PDS5A: variants seen among roughly 807,000 people sequenced by gnomAD.
The protein encoded by PDS5A is sister chromatid cohesion protein PDS5 homolog A.
In PDS5A, 42 loss-of-function variants were observed where a neutral mutation model predicts 167.1. The observed-to-expected ratio is 0.25, with a 90% CI of 0.20 to 0.33. The LOEUF (loss-of-function observed/expected upper bound fraction) is 0.33, where lower values mean the gene tolerates loss of function less well. Among genes scored for constraint, PDS5A ranks in the 10% least tolerant of loss-of-function variants. The probability of loss-of-function intolerance (pLI) is 1.00; values close to 1 mark genes in which losing one functional copy is unlikely to be tolerated. For missense variants in PDS5A, 1,033 were observed against 1,605.9 expected, an observed-to-expected ratio of 0.64 and a Z score of 6.10; for synonymous variants, 553 against 554.6, an observed-to-expected ratio of 1.00 and a Z score of 0.04.
chr4:39,933,386 T>G (rs548183273), intron 2 of PDS5A: 7 of 148,352 alleles, frequency 4.7e-5, no homozygotes, highest in African/African-American at 1.7e-4. Context: ...CAGTGAGCTA[T>G]GATCATGCCA....
intron 17 of PDS5A, among the ~76,000 whole-genome samples, chr4:39,880,857 T>C (rs1241793293): frequency 6.6e-6 from 1 of 152,184 alleles, no homozygotes; most frequent in Non-Finnish European, 1.5e-5. Flanking sequence ...ACTATAGTCA[T>C]CCTACTGTGC....
intron 2 of PDS5A, among the ~76,000 whole-genome samples, chr4:39,964,853 C>T (rs539125484): frequency 6.6e-6 from 1 of 150,892 alleles, no homozygotes; most frequent in East Asian, 2.0e-4. Context: ...TGAGGCAGGA[C>T]AATCGCTTGA....
At chr4:39,961,973 A>C (rs1232169459) in intron 2 of PDS5A, among the ~76,000 whole-genome samples, 1 of 152,188 alleles carries the variant, frequency 6.6e-6, no homozygotes, top group Non-Finnish European at 1.5e-5. Flanking sequence ...TGAAGCTTTC[A>C]ACATTATTTC....
At chr4:39,839,768 A>AGGGGGG (rs1716787731) in intron 31 of PDS5A, among the ~76,000 whole-genome samples, 1 of 71,976 alleles carries the variant, frequency 1.4e-5, no homozygotes, top group African/African-American at 8.2e-5. Flanking sequence ...GGGGGGGGGC[A>AGGGGGG]GGGGAGGAAA....
At position 39,977,839 on chromosome 4, in the gene PDS5A, C is replaced by G. The variant is rs1301327246; in HGVS notation, c.-423G>C. The G allele has an allele frequency of 2.7e-5, 4 of 149,676 alleles. No individual in the cohort carries two copies. Among genetic ancestry groups the G allele is most frequent in the Non-Finnish European group, 6.0e-5 (4 of 67,022 alleles). 9.3% of individuals were successfully genotyped at this position (149,676 alleles called of 1,614,324 possible). A position where few individuals can be genotyped will look rare whatever the true frequency, so the allele number is the denominator to read the frequency against. ...GACGCCCCTCGCAGAGGCGCGCGCC[C>G]GGCCGTCCGTGCCCCGGGAGCCGGG... is the stretch of plus-strand genomic sequence containing the variant. On this transcript the variant is annotated 5_prime_UTR_variant, in exon 1 of 33. Transcript: ENST00000303538. This position sits in a 1 kb window ranked among gnomAD's most constrained non-coding sequence, Gnocchi z 4.2.
chr4:39,963,548 G>C (rs2109811785), intron 2 of PDS5A, among the ~76,000 whole-genome samples: 1 of 152,008 alleles, frequency 6.6e-6, no homozygotes, highest in South Asian at 2.1e-4. Context: ...ACATTTGCCA[G>C]TGGAAATAAA....
intron 2 of PDS5A, among the ~76,000 whole-genome samples, chr4:39,955,899 G>A (rs1396670286): frequency 6.6e-6 from 1 of 152,044 alleles, no homozygotes; most frequent in South Asian, 2.1e-4. Context: ...TGGATTACCT[G>A]AGGTCAGGAG....
At chr4:39,883,116 C>T (rs1276746904) in intron 17 of PDS5A, among the ~76,000 whole-genome samples, 2 of 152,120 alleles carry the variant, frequency 1.3e-5, no homozygotes, top group East Asian at 1.9e-4. Flanking sequence ...CTTAGGAATG[C>T]TGCTCCCTCA....
chr4:39,838,697 TG>T (rs1329063062), intron 31 of PDS5A, among the ~76,000 whole-genome samples: 1 of 151,794 alleles, frequency 6.6e-6, no homozygotes, highest in Non-Finnish European at 1.5e-5. Context: ...GACTCCAGCC[TG>T]GGTGACAGAG....
intron 16 of PDS5A, among the ~76,000 whole-genome samples, chr4:39,891,890 C>T (rs1444350861): frequency 1.3e-5 from 2 of 150,590 alleles, no homozygotes; most frequent in East Asian, 2.0e-4. Flanking sequence ...AGGTGGATTG[C>T]CTGAGCTCAA....
chr4:39,859,448 A>G (rs551892031), intron 26 of PDS5A, among the ~76,000 whole-genome samples: 1 of 152,256 alleles, frequency 6.6e-6, no homozygotes, highest in East Asian at 1.9e-4. Context: ...ACCCACCATG[A>G]AAAACATTAG....
At chr4:39,886,603 C>T (rs1721496375) in intron 17 of PDS5A, among the ~76,000 whole-genome samples, 1 of 151,846 alleles carries the variant, frequency 6.6e-6, no homozygotes, top group East Asian at 1.9e-4. Context: ...ATCATGGCTA[C>T]TTGGGAGGCT....
intron 21 of PDS5A, 126 bp from the exon 22 acceptor site, chr4:39,869,588 T>C (rs949065548): frequency 7.4e-6 from 5 of 673,236 alleles, no homozygotes; most frequent in South Asian, 3.5e-5. Flanking sequence ...CAACCAGAGC[T>C]TGGAAAAGGA....
chr4:39,871,234 A>ATT (rs993283439), intron 21 of PDS5A, among the ~76,000 whole-genome samples: 1 of 152,176 alleles, frequency 6.6e-6, no homozygotes, highest in African/African-American at 2.4e-5. Flanking sequence ...CAATGTGGCT[A>ATT]TTATGTTAGT....
intron 2 of PDS5A, among the ~76,000 whole-genome samples, chr4:39,966,327 G>C (rs1348394865): frequency 6.6e-6 from 1 of 152,152 alleles, no homozygotes; most frequent in Non-Finnish European, 1.5e-5. Context: ...CCTCCTGGAG[G>C]AAAGCAAAGG....
Position 39,837,917 on chromosome 4 carries a change from G to A in PDS5A, c.3949C>T (p.Pro1317Ser), listed in dbSNP as rs1467939762. The change falls in exon 32 of 33, where the codon CCC (proline) becomes TCC (serine). Residue 1317 changes from proline (P) to serine (S), a missense_variant. Physicochemically the swap from Pro to Ser is moderately conservative, Grantham distance 74. This residue lies in a region of PDS5A where 233 missense variants were observed against 264.0 expected (regional missense o/e 0.88). Coordinates refer to ENST00000303538, the MANE Select transcript of PDS5A (RefSeq NM_001100399.2). ...GGLEAGNAKAPKLQDLAKKAA... is the reference protein window; with the variant it reads ...GGLEAGNAKASKLQDLAKKAA... The stretch of plus-strand genomic sequence containing the variant: ...TTTTTGGCTAAATCTTGCAGTTTGG[G>A]TGCTTTGGCATTACCTGCTTCCAAA... 6.2e-7 allele frequency: 1 copy of A among 1,613,800 alleles called. No homozygotes were observed. Among genetic ancestry groups the A allele is most frequent in the Non-Finnish European group, 8.5e-7 (1 of 1,179,836 alleles).
intron 23 of PDS5A, among the ~76,000 whole-genome samples, chr4:39,863,954 C>T (rs1719213998): frequency 6.6e-6 from 1 of 151,960 alleles, no homozygotes. Flanking sequence ...CATGGTGAAA[C>T]CCTGTTTCTA....
At chr4:39,900,362 G>T (rs1303465755) in intron 14 of PDS5A, 64 bp downstream of exon 14, 5 of 983,054 alleles carry the variant, frequency 5.1e-6, no homozygotes, top group Non-Finnish European at 6.3e-6. Flanking sequence ...TCATTACGTA[G>T]AACTACAGAA....
intron 1 of PDS5A, 27 bp from the exon 2 acceptor site, chr4:39,976,644 C>A (rs1449434159): frequency 2.3e-6 from 3 of 1,280,794 alleles, no homozygotes; most frequent in Non-Finnish European, 3.3e-6. Context: ...CAAAGTTCAG[C>A]GGGAAAGGGG....
Sources: allele counts gnomAD v4.1 joint callset (sites outside exome capture counted in the v4.1 genomes callset), GRCh38; gene constraint gnomAD v4.1.1; regional missense constraint gnomAD v4.1.1; non-coding constraint Gnocchi (gnomAD v3.1); transcripts MANE v1.5; gene names NCBI Gene and HGNC (gene_info 2026-07-23, HGNC 2026-07-21).